Variants in GASK1B observed in about 807,000 individuals in gnomAD.
GASK1B encodes Golgi-associated kinase 1B.
A neutral mutation model predicts 42.8 loss-of-function variants in GASK1B; 34 were observed. The observed-to-expected ratio is 0.79, with a 90% CI of 0.60 to 1.06. The LOEUF is 1.06. GASK1B is among the 50% of genes least tolerant of loss of function. GASK1B has a pLI of 0.00. For missense variants in GASK1B, 686 were observed against 661.0 expected (o/e 1.04, Z -0.42); for synonymous variants, 262 against 259.1 (o/e 1.01, Z -0.11).
rs113800154 is a variant in GASK1B at position 158,127,417 on chromosome 4, A to G, written c.1550T>C (p.Met517Thr). The G allele has an allele frequency of 6.2e-7, 1 of 1,612,794 alleles. No individual in the cohort carries two copies. The highest frequency in any genetic ancestry group is 8.5e-7 in the Non-Finnish European group (1 of 1,179,232). ...CAGAAGATTCTTTTGTCATTCATTC[A>G]TAGGTAATACTTTGACCCCGTGTGC... The part of the protein sequence containing the change: ...INAHGVKVLP[M>T]NE The change falls in exon 5 of 5, where the codon ATG becomes ACG. Residue 517 changes from methionine to threonine, a missense_variant. Met to Thr is a moderately conservative substitution (Grantham distance 81). Transcript: ENST00000585682.
chr4:158,163,301 T>C (rs911085131), intron 2 of GASK1B, among the ~76,000 whole-genome samples: 2 of 152,234 alleles, frequency 1.3e-5, no homozygotes, highest in Non-Finnish European at 2.9e-5. Context: ...CTGGGCACAG[T>C]GGCTCACGCC....
chr4:158,135,272 G>T (rs1465883449), intron 3 of GASK1B, among the ~76,000 whole-genome samples: 9 of 130,324 alleles, frequency 6.9e-5, no homozygotes, highest in Non-Finnish European at 1.2e-4. Flanking sequence ...AGTGAGCCGA[G>T]ATCGCCCCAT....
Position 158,170,504 on chromosome 4 carries a change from G to C in GASK1B, c.872C>G (p.Thr291Ser), listed in dbSNP as rs751065200. 7 of 1,614,250 alleles carry C rather than the reference G, an allele frequency of 4.3e-6. No homozygotes were observed. In the South Asian group the frequency reaches 7.7e-5, roughly 18 times the overall value. ...TGCTTTCCTGCTCACAGACGGCAGG[G>C]TCCTGTTGAGCCCCAGGATCCTGTC... The part of the protein sequence containing the change: ...HLDRILGLNR[T>S]LPSVSRKAEF... Residue 291 changes from threonine to serine, a missense_variant, in exon 2 of 5, where the codon ACC (threonine) becomes AGC (serine). Transcript: ENST00000585682.
Position 158,130,880 on chromosome 4 carries a change from G to A in GASK1B, c.1258C>T (p.His420Tyr). The A allele has an allele frequency of 6.2e-7, 1 of 1,614,058 alleles. No homozygotes were observed. The highest frequency in any genetic ancestry group is 2.2e-5 in the East Asian group (1 of 44,880). ...AALAHIIQRK[H>Y]DPRHLVFIDN... ...ATAAAAACCAAATGCCTTGGGTCAT[G>A]CTTTCGCTGGATAATGTGTGCTAGA... Residue 420 changes from histidine (H) to tyrosine (Y), a missense_variant, in exon 4 of 5, where the codon CAT becomes TAT. Coordinates refer to ENST00000585682, the MANE Select transcript of GASK1B (RefSeq NM_001128424.2).
In GASK1B at chr4:158,130,875, G is replaced by T; in HGVS notation, c.1263C>A (p.Asp421Glu). ...ALAHIIQRKH[D>E]PRHLVFIDNK... The stretch of plus-strand genomic sequence containing the variant: ...TGTCTATAAAAACCAAATGCCTTGG[G>T]TCATGCTTTCGCTGGATAATGTGTG... The change falls in exon 4 of 5, where the codon GAC becomes GAA. Residue 421 changes from aspartate (D) to glutamate (E), a missense_variant. Coordinates refer to ENST00000585682, the MANE Select transcript of GASK1B (RefSeq NM_001128424.2). 6.2e-7 allele frequency: 1 copy of T among 1,614,008 alleles called. No individual in the cohort carries two copies. Among genetic ancestry groups the T allele is most frequent in the South Asian group, 1.1e-5 (1 of 91,080 alleles).
rs190089604 is a variant in GASK1B, at chr4:158,154,344, C to T, written c.1125+1267G>A. Reference sequence around the variant, plus strand: ...TACCACCTTACTCCTGGAAGAATGGCCATAATACAAAATAACAGATGTTGG... The same window carrying T: ...TACCACCTTACTCCTGGAAGAATGGTCATAATACAAAATAACAGATGTTGG... On this transcript the variant is annotated intron_variant, in intron 3 of 4. Coordinates refer to ENST00000585682, the MANE Select transcript of GASK1B (RefSeq NM_001128424.2). 4.6e-5 allele frequency among the ~76,000 whole-genome samples: 7 copies of T among 151,966 alleles called. No individual in the cohort carries two copies. In the East Asian group the frequency reaches 1.2e-3, roughly 25 times the overall value.
In GASK1B at chr4:158,130,963, T is replaced by G; in HGVS notation, c.1175A>C (p.Glu392Ala). 1.9e-6 allele frequency: 3 copies of G among 1,614,074 alleles called. No homozygotes were observed. The highest frequency in any genetic ancestry group is 2.5e-6 in the Non-Finnish European group (3 of 1,179,954). The change falls in exon 4 of 5, where the codon GAA (glutamate) becomes GCA (alanine). Residue 392 changes from glutamate to alanine, a missense_variant. Physicochemically the swap from Glu to Ala is moderately radical, Grantham distance 107 (BLOSUM62 -1). Transcript: ENST00000585682. ...TNCCGFRPRKEDACVQNGLRP... is the reference protein window; with the variant it reads ...TNCCGFRPRKADACVQNGLRP... ...CAATCCATTCTGTACACAGGCATCT[T>G]CCTTGCGAGGTCTGAATCCACAGCA...
intron 3 of GASK1B, among the ~76,000 whole-genome samples, chr4:158,134,921 T>C (rs1730826463): frequency 6.6e-6 from 1 of 152,222 alleles, no homozygotes; most frequent in Non-Finnish European, 1.5e-5. Context: ...ACACCAGCTA[T>C]GTCTTCAAAA....
At chr4:158,134,579 T>C (rs1232930517) in intron 3 of GASK1B, among the ~76,000 whole-genome samples, 1 of 152,228 alleles carries the variant, frequency 6.6e-6, no homozygotes, top group Admixed American at 6.5e-5. Flanking sequence ...CCATTTTCCA[T>C]AAAATGAGTC....
At chr4:158,161,312 TAAAAA>T (rs1405651988) in intron 2 of GASK1B, among the ~76,000 whole-genome samples, 1 of 152,076 alleles carries the variant, frequency 6.6e-6, no homozygotes, top group African/African-American at 2.4e-5. Flanking sequence ...AATTAAATAA[TAAAAA>T]AGAAACAGGT....
At chr4:158,162,474 T>A (rs1479568886) in intron 2 of GASK1B, among the ~76,000 whole-genome samples, 2 of 152,192 alleles carry the variant, frequency 1.3e-5, no homozygotes, top group Non-Finnish European at 1.5e-5. Flanking sequence ...GAATGGTCCA[T>A]GGACCCAGAA....
chr4:158,171,564 A>AT lies in GASK1B; in HGVS notation c.-190dup. ...GTTTCTGACACAACAAACCTTTTAA[A>AT]TTATCAGTCTCCCCAAGGAGAAATG... is the stretch of plus-strand genomic sequence containing the variant. On this transcript the variant is annotated 5_prime_UTR_variant, in exon 2 of 5. The change abolishes the stop of an existing upstream ORF in the 5' untranslated region. Coordinates refer to ENST00000585682, the MANE Select transcript of GASK1B (RefSeq NM_001128424.2). The AT allele has an allele frequency of 1.9e-6, 1 of 514,996 alleles. No individual in the cohort carries two copies. The highest frequency in any genetic ancestry group is 3.3e-6 in the Non-Finnish European group (1 of 307,358). The allele number at this position is 514,996 out of a possible 1,614,324, so 31.9% of individuals were successfully genotyped here.
Position 158,124,823 on chromosome 4 carries a change from G to T in GASK1B, c.*2584C>A, listed in dbSNP as rs1220771532. ...TGAAAACACATCTACAAAAGCAAAT[G>T]AACTCATCTGCAAAATAAAAAGCAC... On this transcript the variant is annotated 3_prime_UTR_variant, in exon 5 of 5. Coordinates refer to ENST00000585682, the MANE Select transcript of GASK1B (RefSeq NM_001128424.2). 6.6e-6 allele frequency: 1 copy of T among 152,038 alleles called. No homozygotes were observed. The highest frequency in any genetic ancestry group is 2.4e-5 in the African/African-American group (1 of 41,410). The allele number at this position is 152,038 out of a possible 1,614,324, so 9.4% of individuals were successfully genotyped here. A position where few individuals can be genotyped will look rare whatever the true frequency, so the allele number is the denominator to read the frequency against.
At chr4:158,161,114 A>C (rs1484575266) in intron 2 of GASK1B, among the ~76,000 whole-genome samples, 2 of 151,844 alleles carry the variant, frequency 1.3e-5, no homozygotes, top group Non-Finnish European at 2.9e-5. Context: ...TGTTTCACCC[A>C]AAAAAAATCA....
intron 2 of GASK1B, 68 bp downstream of exon 2, chr4:158,170,398 T>C: frequency 6.2e-7 from 1 of 1,612,726 alleles, no homozygotes; most frequent in African/African-American, 1.3e-5. Context: ...AAAAAGAGAG[T>C]GAGGGAAAAA....
intron 3 of GASK1B, among the ~76,000 whole-genome samples, chr4:158,151,092 C>T (rs1021854955): frequency 1.3e-5 from 2 of 152,096 alleles, no homozygotes; most frequent in Admixed American, 1.3e-4. Flanking sequence ...AACAATGCAA[C>T]AACGGAAAAG....
intron 2 of GASK1B, among the ~76,000 whole-genome samples, chr4:158,160,955 G>C (rs2111005308): frequency 6.6e-6 from 1 of 152,298 alleles, no homozygotes; most frequent in East Asian, 1.9e-4. Context: ...GAGGCTGGGA[G>C]AGGGGGTTAG....
chr4:158,134,337 A>G (rs1210202012), intron 3 of GASK1B, among the ~76,000 whole-genome samples: 1 of 152,238 alleles, frequency 6.6e-6, no homozygotes, highest in African/African-American at 2.4e-5. Context: ...TGTTTAGTGC[A>G]CACTTAAAAC....
chr4:158,129,829 A>G (rs1242335200), intron 4 of GASK1B, among the ~76,000 whole-genome samples: 1 of 152,132 alleles, frequency 6.6e-6, no homozygotes, highest in Non-Finnish European at 1.5e-5. Flanking sequence ...AGTCAATCTG[A>G]TTTCTGACTA....
Sources: gnomAD v4.1 joint callset for allele counts (sites outside exome capture counted in the v4.1 genomes callset) on GRCh38, gnomAD v4.1.1 for gene constraint, MANE v1.5 for transcripts, NCBI Gene and HGNC (gene_info 2026-07-23, HGNC 2026-07-21) for gene names.